Variants in SLC35E4 observed in about 807,000 individuals in gnomAD.
SLC35E4 encodes solute carrier family 35, member E4.
A neutral mutation model predicts 19.3 loss-of-function variants in SLC35E4; 15 were observed. The ratio of observed to expected loss-of-function variants is 0.78; its 90% confidence interval spans 0.52 to 1.20. The LOEUF is 1.20. Ranked by LOEUF, SLC35E4 falls within the 50% of genes most tolerant of loss-of-function variation. SLC35E4 has a pLI of 0.00. For missense variants in SLC35E4, 406 were observed against 472.3 expected, an observed-to-expected ratio of 0.86 and a Z score of 1.30; for synonymous variants, 219 against 219.9, an observed-to-expected ratio of 1.00 and a Z score of 0.04.
downstream of SLC35E4, chr22:30,663,985 C>A (rs1469971905): frequency 5.6e-6 from 9 of 1,613,266 alleles, no homozygotes; most frequent in African/African-American, 8.0e-5. Context: ...ACTGGGAAGG[C>A]ACACGAGGGT....
chr22:30,665,663 T>C, downstream of SLC35E4: 2 of 391,542 alleles, frequency 5.1e-6, no homozygotes, highest in Non-Finnish European at 1.1e-5. Flanking sequence ...TCCTAACACT[T>C]ACTGAAGACG....
In SLC35E4 at chr22:30,647,099, G is replaced by C; in HGVS notation, c.*68G>C. 2 of 1,496,818 alleles carry C rather than the reference G, an allele frequency of 1.3e-6. No individual in the cohort carries two copies. The highest frequency in any genetic ancestry group is 1.8e-6 in the Non-Finnish European group (2 of 1,124,688). The allele number at this position is 1,496,818 out of a possible 1,614,324, so 92.7% of individuals were successfully genotyped here. A position where few individuals can be genotyped will look rare whatever the true frequency, so the allele number is the denominator to read the frequency against. On this transcript the variant is annotated 3_prime_UTR_variant, in exon 2 of 2. Transcript: ENST00000343605. ...GAATCCAGCCTCCGCTGTGGCCATAGAAGGAATGGAGAACAGGGCTGGGCA... is the reference window on the plus strand; with the variant it reads ...GAATCCAGCCTCCGCTGTGGCCATACAAGGAATGGAGAACAGGGCTGGGCA...
chr22:30,639,136 A>G (rs1048999253), intron 1 of SLC35E4, among the ~76,000 whole-genome samples: 14 of 152,190 alleles, frequency 9.2e-5, no homozygotes, highest in African/African-American at 3.1e-4. Context: ...GGTCTGAGAA[A>G]TAAAGGGACA....
At position 30,646,858 on chromosome 22, in the gene SLC35E4, G is replaced by A. The variant is rs1256742826; in HGVS notation, c.880G>A (p.Gly294Ser). The change falls in exon 2 of 2, where the codon GGC becomes AGC. Residue 294 changes from glycine (G) to serine (S), a missense_variant. Gly to Ser is a moderately conservative substitution (Grantham distance 56). Coordinates refer to ENST00000343605, the MANE Select transcript of SLC35E4 (RefSeq NM_001001479.4). Reference sequence around the variant, plus strand: ...CGTCCTGGGCAACCTCACCGTGGTGGGCAACCTCATCCTGTCCCGGCTGTT... The same window carrying A: ...CGTCCTGGGCAACCTCACCGTGGTGAGCAACCTCATCCTGTCCCGGCTGTT... Reference protein sequence around the residue: ...VHVLGNLTVVGNLILSRLLFG... With the variant: ...VHVLGNLTVVSNLILSRLLFG... 3.1e-6 allele frequency: 5 copies of A among 1,614,106 alleles called. No homozygotes were observed. The highest frequency in any genetic ancestry group is 1.3e-5 in the African/African-American group (1 of 74,942).
At chr22:30,663,433 T>C (rs780536202), downstream of SLC35E4, 4 of 1,602,116 alleles carry the variant, frequency 2.5e-6, no homozygotes, top group South Asian at 2.2e-5. Flanking sequence ...GCTCGTGGGA[T>C]GGCTCACAGT....
At chr22:30,640,839 A>G (rs1333735053) in intron 1 of SLC35E4, among the ~76,000 whole-genome samples, 1 of 151,932 alleles carries the variant, frequency 6.6e-6, no homozygotes, top group Non-Finnish European at 1.5e-5. Flanking sequence ...AGATCCTGTG[A>G]CCCAGGCCTG....
chr22:30,664,223 T>A, downstream of SLC35E4: 1 of 566,188 alleles, frequency 1.8e-6, no homozygotes, highest in Non-Finnish European at 3.2e-6. Flanking sequence ...GCAAACTCAT[T>A]TAAAGTACAG....
At chr22:30,661,219 T>C (rs925598353) in intron 2 of SLC35E4, among the ~76,000 whole-genome samples, 17 of 152,118 alleles carry the variant, frequency 1.1e-4, no homozygotes, top group Non-Finnish European at 2.2e-4. Context: ...AAGTGAAATA[T>C]AGTTTGAGAC....
At chr22:30,657,550 G>C (rs568494517) in intron 2 of SLC35E4, among the ~76,000 whole-genome samples, 2 of 151,956 alleles carry the variant, frequency 1.3e-5, no homozygotes, top group East Asian at 3.9e-4. Context: ...CTTGAGCCCA[G>C]GAATTTGAGA....
downstream of SLC35E4, chr22:30,649,070 C>G: frequency 1.5e-6 from 1 of 666,266 alleles, no homozygotes; most frequent in Admixed American, 2.2e-5. Context: ...TGGAGATCAC[C>G]TGTTAAAGAT....
rs1023246904 is a variant in SLC35E4, at chr22:30,647,828, G to A, written c.*797G>A. Reference sequence around the variant, plus strand: ...TCTGTGCCAACTCCAGGCAGCTGCTGTGGCCTCACCCCTGGGCCCCCCAAT... The same window carrying A: ...TCTGTGCCAACTCCAGGCAGCTGCTATGGCCTCACCCCTGGGCCCCCCAAT... On this transcript the variant is annotated 3_prime_UTR_variant, in exon 2 of 2. Transcript: ENST00000343605. 2 of 152,140 alleles carry A rather than the reference G, an allele frequency of 1.3e-5. No homozygotes were observed. The highest frequency in any genetic ancestry group is 2.9e-5 in the Non-Finnish European group (2 of 68,090). 9.4% of individuals were successfully genotyped at this position (152,140 alleles called of 1,614,324 possible).
At chr22:30,666,504 C>G (rs2088670753), downstream of SLC35E4, among the ~76,000 whole-genome samples, 1 of 151,526 alleles carries the variant, frequency 6.6e-6, no homozygotes, top group Non-Finnish European at 1.5e-5. Context: ...GGCCTGTAGT[C>G]CCAGCTACTC....
chr22:30,639,228 C>T (rs1161649150), intron 1 of SLC35E4, among the ~76,000 whole-genome samples: 1 of 152,124 alleles, frequency 6.6e-6, no homozygotes, highest in Non-Finnish European at 1.5e-5. Context: ...CCCCCTGAGC[C>T]ATAAAACCAG....
intron 1 of SLC35E4, among the ~76,000 whole-genome samples, chr22:30,641,068 T>C (rs1279064249): frequency 6.6e-6 from 1 of 152,232 alleles, no homozygotes. Flanking sequence ...AGGCATGAGC[T>C]CTGGGCATGA....
At chr22:30,665,230 G>A (rs980659561), downstream of SLC35E4, 15 of 184,800 alleles carry the variant, frequency 8.1e-5, no homozygotes, top group South Asian at 6.7e-4. Flanking sequence ...GAGAAATGAG[G>A]AGCCAAAGTT....
downstream of SLC35E4, among the ~76,000 whole-genome samples, chr22:30,651,868 T>C (rs983951635): frequency 6.6e-6 from 1 of 152,140 alleles, no homozygotes; most frequent in African/African-American, 2.4e-5. Context: ...TTGGTTCTGG[T>C]TGAGTTTCTC....
intron 2 of SLC35E4, chr22:30,654,952 C>T (rs2088304080): frequency 1.9e-5 from 3 of 161,360 alleles, no homozygotes; most frequent in South Asian, 1.8e-4. Flanking sequence ...GTTCAATCCT[C>T]GTTGTCCATA....
At chr22:30,637,362 C>T (rs1025837758) in intron 1 of SLC35E4, among the ~76,000 whole-genome samples, 8 of 152,188 alleles carry the variant, frequency 5.3e-5, no homozygotes, top group Non-Finnish European at 2.9e-5. Flanking sequence ...AATACAGCCT[C>T]CGCATCCTGG....
At chr22:30,651,399 G>GTGTGTGTA (rs1318231260), downstream of SLC35E4, among the ~76,000 whole-genome samples, 36 of 61,324 alleles carry the variant, frequency 5.9e-4, no homozygotes, top group Non-Finnish European at 6.9e-4. Flanking sequence ...GTGTGTGTGT[G>GTGTGTGTA]TATATATATA....
Sources: allele counts gnomAD v4.1 joint callset (sites outside exome capture counted in the v4.1 genomes callset), GRCh38; gene constraint gnomAD v4.1.1; transcripts MANE v1.5; gene names NCBI Gene and HGNC (gene_info 2026-07-23, HGNC 2026-07-21).